The following SYT9 variants were observed in gnomAD, a reference collection of about 807,000 sequenced individuals.
The protein encoded by SYT9 is synaptotagmin 9.
A neutral mutation model predicts 48.4 loss-of-function variants in SYT9; 22 were observed. That is an observed-to-expected ratio of 0.45 (90% CI 0.32 to 0.65). The LOEUF is 0.65. Ranked by LOEUF, SYT9 falls within the 30% of genes least tolerant of loss-of-function variation. The pLI, the probability that SYT9 is intolerant of heterozygous loss-of-function variation, is 0.03. For synonymous variants in SYT9, 265 were observed against 245.0 expected, an observed-to-expected ratio of 1.08 and a Z score of -0.76; for missense variants, 577 against 622.0, an observed-to-expected ratio of 0.93 and a Z score of 0.77.
upstream of SYT9, among the ~76,000 whole-genome samples, chr11:7,249,690 C>A (rs1382051323): frequency 6.6e-6 from 1 of 152,218 alleles, no homozygotes; most frequent in Non-Finnish European, 1.5e-5. Flanking sequence ...AGCACTATTA[C>A]AAGCACTTAA....
chr11:7,303,748 A>C (rs191810801), intron 2 of SYT9, among the ~76,000 whole-genome samples: 2 of 152,296 alleles, frequency 1.3e-5, no homozygotes, highest in African/African-American at 4.8e-5. Flanking sequence ...TGTATATGTA[A>C]ATACCCAGGT....
chr11:7,353,331 G>A (rs1244263556), intron 3 of SYT9, among the ~76,000 whole-genome samples: 2 of 152,076 alleles, frequency 1.3e-5, no homozygotes, highest in African/African-American at 4.8e-5. Context: ...AGCAGCTTCA[G>A]TGCAAGGCTC....
At chr11:7,415,958 C>A in intron 3 of SYT9, 84 bp from the exon 4 acceptor site, 1 of 1,557,086 alleles carries the variant, frequency 6.4e-7, no homozygotes, top group South Asian at 1.1e-5. Flanking sequence ...CAGTGTGTTC[C>A]CTTTCAGTGT....
chr11:7,303,641 A>G (rs905460670), intron 2 of SYT9, among the ~76,000 whole-genome samples: 11 of 152,214 alleles, frequency 7.2e-5, no homozygotes, highest in South Asian at 2.1e-4. Context: ...TTCATATTTT[A>G]TTATAGCTCA....
At chr11:7,324,979 CT>C (rs1849404103) in intron 3 of SYT9, among the ~76,000 whole-genome samples, 1 of 152,014 alleles carries the variant, frequency 6.6e-6, no homozygotes, top group Non-Finnish European at 1.5e-5. Context: ...ATCAAAATTT[CT>C]GCTTAATGTA....
At chr11:7,415,529 G>A (rs1439891848) in intron 3 of SYT9, among the ~76,000 whole-genome samples, 2 of 152,080 alleles carry the variant, frequency 1.3e-5, no homozygotes, top group Non-Finnish European at 2.9e-5. Flanking sequence ...GTGGAAACCT[G>A]TTGAGAGGCT....
chr11:7,336,085 A>G (rs1394643989), intron 3 of SYT9, among the ~76,000 whole-genome samples: 12 of 152,032 alleles, frequency 7.9e-5, no homozygotes, highest in Admixed American at 7.2e-4. Context: ...GCATTTCTCT[A>G]ATGATCACTG....
chr11:7,429,871 A>T (rs1002059324), intron 6 of SYT9, among the ~76,000 whole-genome samples: 6 of 152,238 alleles, frequency 3.9e-5, no homozygotes, highest in Non-Finnish European at 2.9e-5. Flanking sequence ...TACAAATATT[A>T]TATAAGGTTA....
At chr11:7,301,621 C>T (rs1422552849) in intron 1 of SYT9, among the ~76,000 whole-genome samples, 2 of 152,184 alleles carry the variant, frequency 1.3e-5, no homozygotes, top group Non-Finnish European at 2.9e-5. Context: ...GAAGACATGG[C>T]GTGCGCCTAT....
intron 6 of SYT9, chr11:7,450,314 C>T (rs1366556360): frequency 1.3e-5 from 2 of 152,182 alleles, no homozygotes. Flanking sequence ...CTGGGATTTG[C>T]TTCAATCAAT....
At chr11:7,436,226 A>T (rs1448933025) in intron 6 of SYT9, among the ~76,000 whole-genome samples, 1 of 152,192 alleles carries the variant, frequency 6.6e-6, no homozygotes, top group Non-Finnish European at 1.5e-5. Context: ...TGAGCAGGAC[A>T]TGCTTGCTAT....
chr11:7,260,111 T>C (rs1214057266), intron 1 of SYT9, among the ~76,000 whole-genome samples: 2 of 152,194 alleles, frequency 1.3e-5, no homozygotes, highest in Non-Finnish European at 2.9e-5. Flanking sequence ...AAAACATTTA[T>C]TGAGGGCCCC....
intron 6 of SYT9, 33 bp downstream of exon 6, chr11:7,420,668 T>G: frequency 6.2e-7 from 1 of 1,613,438 alleles, no homozygotes; most frequent in Non-Finnish European, 8.5e-7. Flanking sequence ...CCACTTTGCA[T>G]AAGAGTAAAT....
At chr11:7,330,471 T>C (rs1448993399) in intron 3 of SYT9, among the ~76,000 whole-genome samples, 1 of 151,938 alleles carries the variant, frequency 6.6e-6, no homozygotes. Flanking sequence ...CAAAGATAAA[T>C]AAAAATTTAA....
chr11:7,367,098 T>TTTTC lies in SYT9; in HGVS notation c.1045-48944_1045-48943insTTTC, dbSNP rs71056800. Among the ~76,000 whole-genome samples the TTTTC allele has an allele frequency of 1.9e-4, 22 of 112,984 alleles. 2 individuals are homozygous for TTTTC. Among genetic ancestry groups the TTTTC allele is most frequent in the East Asian group, 3.2e-4 (1 of 3,174 alleles). The allele number at this position is 112,984 out of a possible 152,430, so 74.1% of individuals were successfully genotyped here. ...TTTTTTTTTTTTTTTTTTTTTTTTT[T>TTTTC]CGAGACGGAGCCTCGCTCTGTCACC... On this transcript the variant is annotated intron_variant, in intron 3 of 6. Coordinates refer to ENST00000318881, the MANE Select transcript of SYT9 (RefSeq NM_175733.4).
At chr11:7,444,271 G>A (rs1231351920) in intron 6 of SYT9, 1 of 152,320 alleles carries the variant, frequency 6.6e-6, no homozygotes, top group Non-Finnish European at 1.5e-5. Flanking sequence ...AATGCTGCCA[G>A]AACATATTCC....
chr11:7,358,594 A>G (rs752269629), intron 3 of SYT9, among the ~76,000 whole-genome samples: 17 of 152,110 alleles, frequency 1.1e-4, no homozygotes, highest in Non-Finnish European at 8.8e-5. Flanking sequence ...TGATGGACAT[A>G]TTTTATCAGA....
At chr11:7,416,257 G>A (rs1847246033) in intron 4 of SYT9, 95 bp downstream of exon 4, 18 of 1,460,036 alleles carry the variant, frequency 1.2e-5, no homozygotes, top group African/African-American at 8.4e-5. Context: ...ATTGACTCTG[G>A]AACCAGACTG....
intron 3 of SYT9, among the ~76,000 whole-genome samples, chr11:7,357,365 G>A (rs183355477): frequency 2.6e-5 from 4 of 152,178 alleles, no homozygotes; most frequent in Admixed American, 2.6e-4. Flanking sequence ...GCCAATATCT[G>A]GTGTTTGGAA....
Sources: gnomAD v4.1 joint callset for allele counts (sites outside exome capture counted in the v4.1 genomes callset) on GRCh38, gnomAD v4.1.1 for gene constraint, MANE v1.5 for transcripts, NCBI Gene and HGNC (gene_info 2026-07-23, HGNC 2026-07-21) for gene names.